The following PALM2AKAP2 variants were observed in gnomAD, a reference collection of about 807,000 sequenced individuals.
The protein encoded by PALM2AKAP2 is PALM2 and AKAP2 fusion.
In PALM2AKAP2, 37 loss-of-function variants were observed where a neutral mutation model predicts 71.5. That is an observed-to-expected ratio of 0.52 (90% CI 0.40 to 0.68). PALM2AKAP2 has a LOEUF of 0.68. Ranked by LOEUF, PALM2AKAP2 falls within the 30% of genes least tolerant of loss-of-function variation. PALM2AKAP2 has a pLI of 0.00. For missense variants in PALM2AKAP2, 1,224 were observed against 1,191.8 expected (o/e 1.03, Z -0.40); for synonymous variants, 468 against 478.8 (o/e 0.98, Z 0.29).
chr9:110,087,634 A>T (rs1367029229), intron 1 of PALM2AKAP2, among the ~76,000 whole-genome samples: 3 of 152,202 alleles, frequency 2.0e-5, no homozygotes, highest in Non-Finnish European at 4.4e-5. Flanking sequence ...TAAAAAAGCC[A>T]TTTACTAACC....
chr9:109,904,384 G>T (rs559577409), intron 3 of PALM2AKAP2, among the ~76,000 whole-genome samples: 4 of 152,224 alleles, frequency 2.6e-5, no homozygotes, highest in African/African-American at 9.6e-5. Flanking sequence ...CACAAATGTT[G>T]TTATTATTAT....
intron 1 of PALM2AKAP2, among the ~76,000 whole-genome samples, chr9:109,764,588 T>C (rs1159003243): frequency 6.6e-6 from 1 of 152,172 alleles, no homozygotes; most frequent in African/African-American, 2.4e-5. Context: ...GTCATCAAAC[T>C]GTATCAACTG....
chr9:110,081,112 G>T (rs1834439070), intron 1 of PALM2AKAP2, among the ~76,000 whole-genome samples: 2 of 152,214 alleles, frequency 1.3e-5, no homozygotes, highest in Non-Finnish European at 2.9e-5. Flanking sequence ...AGTGAATGCA[G>T]TAAGTAGGAA....
chr9:110,009,451 A>T (rs144145490), intron 6 of PALM2AKAP2, among the ~76,000 whole-genome samples: 1,545 of 152,120 alleles, frequency 0.01, 25 homozygotes, highest in African/African-American at 0.036. Flanking sequence ...GCGGTGGCTC[A>T]CACCTGTAAT....
At chr9:109,714,815 T>C (rs1428475459) in intron 1 of PALM2AKAP2, among the ~76,000 whole-genome samples, 1 of 152,142 alleles carries the variant, frequency 6.6e-6, no homozygotes, top group South Asian at 2.1e-4. Context: ...ACAGACTTGA[T>C]GACTGGTGGA....
chr9:109,963,281 A>T (rs1831884910), intron 6 of PALM2AKAP2, among the ~76,000 whole-genome samples: 1 of 152,212 alleles, frequency 6.6e-6, no homozygotes, highest in Non-Finnish European at 1.5e-5. Flanking sequence ...GTATGCCAGG[A>T]TGTAGAGAGA....
At chr9:110,031,701 A>G (rs1482758521) in intron 7 of PALM2AKAP2, among the ~76,000 whole-genome samples, 5 of 152,306 alleles carry the variant, frequency 3.3e-5, no homozygotes, top group Admixed American at 2.6e-4. Flanking sequence ...CCTAGGTCTA[A>G]GCCAGACAGC....
chr9:109,954,374 C>T (rs1831705099), intron 6 of PALM2AKAP2, among the ~76,000 whole-genome samples: 1 of 151,970 alleles, frequency 6.6e-6, no homozygotes, highest in African/African-American at 2.4e-5. Context: ...CCCAGCAGCC[C>T]CCAAGCCCTA....
intron 2 of PALM2AKAP2, among the ~76,000 whole-genome samples, chr9:110,147,625 T>A (rs904810690): frequency 6.6e-6 from 1 of 152,006 alleles, no homozygotes; most frequent in Non-Finnish European, 1.5e-5. Context: ...GGGGAAAAAA[T>A]AGCTGAATTT....
chr9:110,160,966 A>G (rs1171210146), intron 3 of PALM2AKAP2, among the ~76,000 whole-genome samples: 3 of 152,150 alleles, frequency 2.0e-5, no homozygotes, highest in Non-Finnish European at 2.9e-5. Context: ...CCTGGCACAC[A>G]TTACCCTTCC....
chr9:109,782,776 G>GTGTGTT (rs1436620546), intron 1 of PALM2AKAP2, among the ~76,000 whole-genome samples: 1 of 142,754 alleles, frequency 7.0e-6, no homozygotes, highest in Admixed American at 7.0e-5. Flanking sequence ...GTGTGTGTGT[G>GTGTGTT]TATGTGTGTG....
chr9:109,782,981 C>G (rs1215959539), intron 1 of PALM2AKAP2, among the ~76,000 whole-genome samples: 5 of 151,902 alleles, frequency 3.3e-5, no homozygotes, highest in Non-Finnish European at 5.9e-5. Context: ...GAACCTAGCA[C>G]TCCTGAAGTC....
chr9:110,160,783 C>T (rs1259148095), intron 3 of PALM2AKAP2, among the ~76,000 whole-genome samples: 6 of 152,108 alleles, frequency 3.9e-5, no homozygotes, highest in Admixed American at 6.5e-5. Flanking sequence ...GGATGTTCAG[C>T]CCCATCTTTA....
intron 1 of PALM2AKAP2, among the ~76,000 whole-genome samples, chr9:109,653,764 GCACAGGGCTTTATATAA>G (rs1351736542): frequency 2.6e-5 from 4 of 152,150 alleles, no homozygotes; most frequent in Non-Finnish European, 4.4e-5. Context: ...CAAATATAGA[GCACAGGGCTTTATATAA>G]CACAAGATGT....
At chr9:109,696,317 A>G (rs1292431408) in intron 1 of PALM2AKAP2, among the ~76,000 whole-genome samples, 1 of 152,246 alleles carries the variant, frequency 6.6e-6, no homozygotes, top group Non-Finnish European at 1.5e-5. Flanking sequence ...AAATGGAAAT[A>G]AAAATAGCTT....
intron 1 of PALM2AKAP2, among the ~76,000 whole-genome samples, chr9:109,818,231 T>A (rs1379069276): frequency 1.3e-5 from 2 of 152,198 alleles, no homozygotes; most frequent in Non-Finnish European, 2.9e-5. Context: ...TGCTACACAA[T>A]CTCTTTTTTT....
chr9:109,646,397 G>A (rs1484118369), intron 1 of PALM2AKAP2, among the ~76,000 whole-genome samples: 2 of 152,246 alleles, frequency 1.3e-5, no homozygotes, highest in Admixed American at 6.5e-5. Flanking sequence ...AGAACTCTAA[G>A]TTGTTGCGAT....
intron 6 of PALM2AKAP2, chr9:109,945,488 G>A (rs192373665): frequency 5.3e-4 from 81 of 152,196 alleles, no homozygotes; most frequent in Admixed American, 5.2e-3. Flanking sequence ...CTGAGTACGT[G>A]GTCACTGAAG....
intron 3 of PALM2AKAP2, among the ~76,000 whole-genome samples, chr9:110,165,901 T>G (rs1008114267): frequency 1.3e-5 from 2 of 152,178 alleles, no homozygotes; most frequent in Non-Finnish European, 2.9e-5. Context: ...CTCAAGTTGT[T>G]TGAGAATTAA....
Sources: allele counts gnomAD v4.1 joint callset (sites outside exome capture counted in the v4.1 genomes callset), GRCh38; gene constraint gnomAD v4.1.1; transcripts MANE v1.5; gene names NCBI Gene and HGNC (gene_info 2026-07-23, HGNC 2026-07-21).